FOXP1: variants seen among roughly 807,000 people sequenced by gnomAD.
FOXP1 encodes the protein forkhead box protein P1.
FOXP1 carries 15 observed loss-of-function variants against 98.2 expected under a neutral mutation model. The observed-to-expected ratio is 0.15, with a 90% CI of 0.10 to 0.24. FOXP1 has a LOEUF of 0.24. FOXP1 is among the 10% of genes least tolerant of loss of function. The probability of loss-of-function intolerance (pLI) is 1.00; values close to 1 mark genes in which losing one functional copy is unlikely to be tolerated. For synonymous variants in FOXP1, 371 were observed against 314.5 expected, an observed-to-expected ratio of 1.18 and a Z score of -1.90; for missense variants, 633 against 848.5, an observed-to-expected ratio of 0.75 and a Z score of 3.15.
At chr3:71,546,978 A>C (rs930643761) in intron 2 of FOXP1, among the ~76,000 whole-genome samples, 3 of 152,222 alleles carry the variant, frequency 2.0e-5, no homozygotes, top group Admixed American at 6.5e-5. Context: ...GAAGAGAGAA[A>C]GGAAGGAAGG....
In FOXP1 at chr3:71,438,688, C is replaced by T. The variant is rs139284985; in HGVS notation, c.-168+54738G>A. On this transcript the variant is annotated intron_variant, in intron 3 of 20. Transcript: ENST00000649528. Reference sequence around the variant, plus strand: ...AGTCCTCATCACAAGGCTTGGTAGGCCCATTCTGCAAATAGAATTATATAG... The same window carrying T: ...AGTCCTCATCACAAGGCTTGGTAGGTCCATTCTGCAAATAGAATTATATAG... Among the ~76,000 whole-genome samples the T allele has an allele frequency of 2.5e-4, 38 of 151,844 alleles. 1 individual carries two copies. In the East Asian group the frequency reaches 6.9e-3, roughly 28 times the overall value.
intron 5 of FOXP1, among the ~76,000 whole-genome samples, chr3:71,278,866 C>T (rs2071202750): frequency 6.6e-6 from 1 of 151,874 alleles, no homozygotes; most frequent in African/African-American, 2.4e-5. Flanking sequence ...TCTTAGAGGC[C>T]TTTAATGAGG....
At chr3:71,342,739 CT>C (rs150706783) in intron 4 of FOXP1, among the ~76,000 whole-genome samples, 3,114 of 151,394 alleles carry the variant, frequency 0.021, 110 homozygotes, top group African/African-American at 0.071. Flanking sequence ...CTACCTCTTT[CT>C]TTTTTTAAAT....
rs1187384947 is a variant in FOXP1 at position 71,331,388 on chromosome 3, A to T, written c.-73+27762T>A. 9.1e-5 allele frequency among the ~76,000 whole-genome samples: 6 copies of T among 65,724 alleles called. No individual in the cohort carries two copies. In the East Asian group the frequency reaches 2.4e-3, roughly 27 times the overall value. 43.1% of individuals were successfully genotyped at this position (65,724 alleles called of 152,430 possible). On this transcript the variant is annotated intron_variant, in intron 4 of 20. Coordinates refer to ENST00000649528, the MANE Select transcript of FOXP1 (RefSeq NM_001349338.3). ...GCCTCCCCCCTCCCCACCCCCCGCC[A>T]TGGGCTCCTGCGCAGCCCAAGCCTC...
At chr3:71,093,783 C>T (rs1259681734) in intron 7 of FOXP1, among the ~76,000 whole-genome samples, 1 of 151,852 alleles carries the variant, frequency 6.6e-6, no homozygotes, top group Non-Finnish European at 1.5e-5. Flanking sequence ...ATGTCATTTA[C>T]ACCAAACTTT....
intron 2 of FOXP1, among the ~76,000 whole-genome samples, chr3:71,566,734 G>A (rs2046941288): frequency 6.6e-6 from 1 of 152,102 alleles, no homozygotes; most frequent in Admixed American, 6.5e-5. Flanking sequence ...AAAAAGCACT[G>A]TGCCCTCCAT....
At chr3:71,282,289 T>G (rs1226800193) in intron 5 of FOXP1, among the ~76,000 whole-genome samples, 1 of 152,062 alleles carries the variant, frequency 6.6e-6, no homozygotes, top group South Asian at 2.1e-4. Flanking sequence ...TTTTCTATTT[T>G]GGGCCAAAAG....
At chr3:71,134,952 CCTT>C (rs995210893) in intron 6 of FOXP1, among the ~76,000 whole-genome samples, 2 of 152,184 alleles carry the variant, frequency 1.3e-5, no homozygotes, top group African/African-American at 4.8e-5. Flanking sequence ...GACAATCCTA[CCTT>C]CTTCTAAAAG....
At chr3:71,219,876 C>CT (rs2065222798) in intron 5 of FOXP1, among the ~76,000 whole-genome samples, 2 of 9,734 alleles carry the variant, frequency 2.1e-4, no homozygotes, top group African/African-American at 8.1e-4. Context: ...CTCTCTCTCT[C>CT]TCCTGTTTCC....
At chr3:71,503,500 T>G (rs1022496552) in intron 2 of FOXP1, among the ~76,000 whole-genome samples, 80 of 149,450 alleles carry the variant, frequency 5.4e-4, no homozygotes, top group Middle Eastern at 6.9e-3. Context: ...ACCCGGGAGG[T>G]TGAGACAGGA....
chr3:71,111,618 C>T (rs1046718515), intron 7 of FOXP1, among the ~76,000 whole-genome samples: 10 of 152,112 alleles, frequency 6.6e-5, no homozygotes, highest in Admixed American at 1.3e-4. Flanking sequence ...AGCCTCGTCT[C>T]GAACTCCTGA....
chr3:71,438,996 C>T (rs2085645904), intron 3 of FOXP1, among the ~76,000 whole-genome samples: 2 of 152,134 alleles, frequency 1.3e-5, no homozygotes, highest in Admixed American at 6.5e-5. Context: ...CTACAACCCG[C>T]TCTCCAAGGC....
At chr3:70,979,355 A>ATT in intron 14 of FOXP1, among the ~76,000 whole-genome samples, 1 of 145,126 alleles carries the variant, frequency 6.9e-6, no homozygotes. Context: ...GTTTCAATTT[A>ATT]TCTTTCTTAT....
chr3:71,338,364 C>A (rs2076812013), intron 4 of FOXP1, among the ~76,000 whole-genome samples: 1 of 152,138 alleles, frequency 6.6e-6, no homozygotes, highest in South Asian at 2.1e-4. Flanking sequence ...ATTTGAATAA[C>A]CTAAAGAAAA....
chr3:71,330,764 T>C (rs2076243483), intron 4 of FOXP1, among the ~76,000 whole-genome samples: 1 of 152,338 alleles, frequency 6.6e-6, no homozygotes, highest in Admixed American at 6.5e-5. Flanking sequence ...ATGTGCTTGA[T>C]AAAGCCTCAG....
At chr3:71,500,260 T>C (rs1348163334) in intron 2 of FOXP1, among the ~76,000 whole-genome samples, 1 of 152,270 alleles carries the variant, frequency 6.6e-6, no homozygotes, top group East Asian at 1.9e-4. Flanking sequence ...GTAATTACTT[T>C]TCTAGCTCTG....
intron 6 of FOXP1, among the ~76,000 whole-genome samples, chr3:71,115,317 T>TTATTTTATTTATTTA (rs1553745321): frequency 4.9e-5 from 7 of 144,140 alleles, no homozygotes; most frequent in South Asian, 4.5e-4. Context: ...ATTATTATTA[T>TTATTTTATTTATTTA]TTTATTTATT....
intron 3 of FOXP1, among the ~76,000 whole-genome samples, chr3:71,469,373 A>G (rs916042525): frequency 3.9e-5 from 6 of 152,216 alleles, no homozygotes; most frequent in Non-Finnish European, 5.9e-5. Flanking sequence ...AAAATATGTC[A>G]GCATTATTTA....
intron 3 of FOXP1, among the ~76,000 whole-genome samples, chr3:71,409,808 G>A (rs796199219): frequency 4.6e-5 from 7 of 152,322 alleles, no homozygotes; most frequent in African/African-American, 1.7e-4. Flanking sequence ...GAGCCCAGGA[G>A]TTTGAGACCA....
Sources: allele counts gnomAD v4.1 joint callset (sites outside exome capture counted in the v4.1 genomes callset), GRCh38; gene constraint gnomAD v4.1.1; transcripts MANE v1.5; gene names NCBI Gene and HGNC (gene_info 2026-07-23, HGNC 2026-07-21).